LRBA: variants seen among roughly 807,000 people sequenced by gnomAD.
LRBA encodes lipopolysaccharide-responsive and beige-like anchor protein.
In LRBA, 176 loss-of-function variants were observed where a neutral mutation model predicts 330.0. The ratio of observed to expected loss-of-function variants is 0.53; its 90% CI spans 0.47 to 0.60. The LOEUF (loss-of-function observed/expected upper bound fraction) is 0.60, where lower values mean the gene tolerates loss of function less well. LRBA is among the 20% of genes least tolerant of loss of function. The probability of loss-of-function intolerance (pLI) is 0.00; values close to 1 mark genes in which losing one functional copy is unlikely to be tolerated. For missense variants in LRBA, 3,259 were observed against 3,444.8 expected, an observed-to-expected ratio of 0.95 and a Z score of 1.35; for synonymous variants, 1,230 against 1,193.0, an observed-to-expected ratio of 1.03 and a Z score of -0.64.
At chr4:150,661,032 C>A (rs1299570249) in intron 37 of LRBA, among the ~76,000 whole-genome samples, 2 of 119,132 alleles carry the variant, frequency 1.7e-5, no homozygotes, top group Middle Eastern at 3.4e-3. Context: ...CCTGCCAAAT[C>A]CCCCTCTGTG....
intron 17 of LRBA, among the ~76,000 whole-genome samples, chr4:150,892,723 T>C (rs1196500139): frequency 1.3e-5 from 2 of 152,198 alleles, no homozygotes; most frequent in African/African-American, 4.8e-5. Context: ...TGGATTTCAA[T>C]TGAACACTAT....
rs994234371 is a variant in LRBA, at chr4:150,365,459, G to A, written c.7195-15300C>T. Among the ~76,000 whole-genome samples the A allele has an allele frequency of 1.2e-4, 19 of 152,112 alleles. 1 individual carries two copies. The highest frequency in any genetic ancestry group is 1.5e-5 in the Non-Finnish European group (1 of 68,016). On this transcript the variant is annotated intron_variant, in intron 47 of 56. Transcript: ENST00000651943. ...ATAGTTAATAATAGGAGTTCATTCT[G>A]CAAATTTCTAAACGTCCATGACATT...
chr4:150,759,893 A>G (rs1734840334), intron 35 of LRBA, among the ~76,000 whole-genome samples: 1 of 152,176 alleles, frequency 6.6e-6, no homozygotes. Context: ...TTCAAAGCCA[A>G]TGCTCTTAAT....
At chr4:150,645,925 A>AGT (rs1779094059) in intron 37 of LRBA, among the ~76,000 whole-genome samples, 2 of 139,454 alleles carry the variant, frequency 1.4e-5, no homozygotes, top group East Asian at 4.6e-4. Context: ...TTCTCATTAG[A>AGT]AAACCCATTA....
At chr4:150,914,922 T>C (rs1732422144) in intron 8 of LRBA, among the ~76,000 whole-genome samples, 1 of 152,164 alleles carries the variant, frequency 6.6e-6, no homozygotes, top group South Asian at 2.1e-4. Context: ...ATGTCCATTT[T>C]CAGGAGGAAA....
At chr4:150,363,667 T>C (rs1270362394) in intron 47 of LRBA, among the ~76,000 whole-genome samples, 1 of 152,236 alleles carries the variant, frequency 6.6e-6, no homozygotes, top group Non-Finnish European at 1.5e-5. Flanking sequence ...TCTATTTCTC[T>C]AATTAGTTAC....
intron 37 of LRBA, among the ~76,000 whole-genome samples, chr4:150,611,038 C>T (rs920953912): frequency 2.0e-5 from 3 of 152,056 alleles, no homozygotes; most frequent in African/African-American, 7.2e-5. Flanking sequence ...TTTCTTCAGT[C>T]TTCAAAATGA....
intron 37 of LRBA, among the ~76,000 whole-genome samples, chr4:150,639,450 A>C (rs1030853435): frequency 1.1e-4 from 16 of 149,816 alleles, no homozygotes; most frequent in Admixed American, 2.0e-4. Context: ...TCTATCTAAA[A>C]ATAATGCACT....
At chr4:150,747,032 T>C (rs1472034994) in intron 35 of LRBA, among the ~76,000 whole-genome samples, 1 of 152,184 alleles carries the variant, frequency 6.6e-6, no homozygotes, top group Admixed American at 6.5e-5. Flanking sequence ...TCCCATGATC[T>C]ACAAAAGAGA....
At chr4:150,543,989 G>C (rs1359975781) in intron 40 of LRBA, among the ~76,000 whole-genome samples, 1 of 152,044 alleles carries the variant, frequency 6.6e-6, no homozygotes, top group Non-Finnish European at 1.5e-5. Flanking sequence ...ATCTGATTGG[G>C]TTTAGTTACT....
At chr4:150,922,167 G>A (rs1240345441) in intron 4 of LRBA, among the ~76,000 whole-genome samples, 1 of 151,852 alleles carries the variant, frequency 6.6e-6, no homozygotes, top group African/African-American at 2.4e-5. Context: ...GGCCAAAAAC[G>A]ATCTTTTAAA....
At chr4:150,757,763 A>G (rs1734510785) in intron 35 of LRBA, among the ~76,000 whole-genome samples, 1 of 152,182 alleles carries the variant, frequency 6.6e-6, no homozygotes, top group Admixed American at 6.5e-5. Context: ...TATATTCTAC[A>G]CTGTAAATAA....
intron 42 of LRBA, among the ~76,000 whole-genome samples, chr4:150,475,878 C>T (rs538011024): frequency 2.7e-5 from 4 of 149,114 alleles, no homozygotes; most frequent in South Asian, 4.3e-4. Flanking sequence ...GCACTCCAGC[C>T]AGGGCAACAG....
intron 2 of LRBA, among the ~76,000 whole-genome samples, chr4:150,985,067 G>C (rs1180855865): frequency 1.3e-5 from 2 of 152,058 alleles, no homozygotes; most frequent in Non-Finnish European, 2.9e-5. Context: ...AGACCAGCCT[G>C]GCCAACATGG....
At position 150,465,318 on chromosome 4, in the gene LRBA, G is replaced by A. The variant is rs569050298; in HGVS notation, c.6780+2355C>T. Among the ~76,000 whole-genome samples, 7 of 152,146 alleles carry A rather than the reference G, an allele frequency of 4.6e-5. No homozygotes were observed. In the South Asian group the frequency reaches 1.5e-3, roughly 32 times the overall value. On this transcript the variant is annotated intron_variant, in intron 44 of 56. Transcript: ENST00000651943. ...CATTTATCTGTCGATGGACATTTGG[G>A]TTGTTTCTATCTCTTAGCTGTTGTG...
chr4:150,437,085 T>C (rs1328734041), intron 44 of LRBA, among the ~76,000 whole-genome samples: 2 of 152,102 alleles, frequency 1.3e-5, no homozygotes. Flanking sequence ...CCATCATTTC[T>C]CCATAAGTCT....
In LRBA at chr4:150,503,311, G is replaced by A. The variant is rs548487704; in HGVS notation, c.6331-12276C>T. 6.6e-5 allele frequency among the ~76,000 whole-genome samples: 10 copies of A among 152,306 alleles called. No individual in the cohort carries two copies. In the South Asian group the frequency reaches 1.9e-3, roughly 28 times the overall value. Reference sequence around the variant, plus strand: ...AACTGGGAGGCACCCCCCAGTAGGGGCGGACTGACACCTCACACGGCCGGG... The same window carrying A: ...AACTGGGAGGCACCCCCCAGTAGGGACGGACTGACACCTCACACGGCCGGG... On this transcript the variant is annotated intron_variant, in intron 40 of 56. Transcript: ENST00000651943.
At chr4:150,363,682 A>G (rs1341217850) in intron 47 of LRBA, among the ~76,000 whole-genome samples, 1 of 152,200 alleles carries the variant, frequency 6.6e-6, no homozygotes, top group Non-Finnish European at 1.5e-5. Flanking sequence ...AGTTACTGTC[A>G]TGTCTGTCTG....
At chr4:150,696,465 T>C (rs972860879) in intron 36 of LRBA, among the ~76,000 whole-genome samples, 5 of 152,136 alleles carry the variant, frequency 3.3e-5, no homozygotes, top group Admixed American at 6.5e-5. Flanking sequence ...GGTATGCTTT[T>C]CAGGAGGATC....
Sources: allele counts gnomAD v4.1 joint callset (sites outside exome capture counted in the v4.1 genomes callset), GRCh38; gene constraint gnomAD v4.1.1; transcripts MANE v1.5; gene names NCBI Gene and HGNC (gene_info 2026-07-23, HGNC 2026-07-21).